Variants in MCTP1 observed in about 807,000 individuals in gnomAD.
The protein encoded by MCTP1 is multiple C2 and transmembrane domain containing 1.
MCTP1 carries 69 observed loss-of-function variants against 120.6 expected under a neutral mutation model. The ratio of observed to expected loss-of-function variants is 0.57; its 90% CI spans 0.47 to 0.70. MCTP1 has a LOEUF of 0.70. Ranked by LOEUF, MCTP1 falls within the 30% of genes least tolerant of loss-of-function variation. The probability of loss-of-function intolerance (pLI) is 0.00; values close to 1 mark genes in which losing one functional copy is unlikely to be tolerated. For synonymous variants in MCTP1, 529 were observed against 493.1 expected, an observed-to-expected ratio of 1.07 and a Z score of -0.96; for missense variants, 1,203 against 1,248.8, an observed-to-expected ratio of 0.96 and a Z score of 0.55.
chr5:95,274,479 T>C (rs1026024068), intron 1 of MCTP1, among the ~76,000 whole-genome samples: 1 of 152,096 alleles, frequency 6.6e-6, no homozygotes, highest in African/African-American at 2.4e-5. Flanking sequence ...AGGAACCTTC[T>C]CCCATCAATT....
chr5:95,211,780 C>A (rs1394745479), intron 1 of MCTP1, among the ~76,000 whole-genome samples: 1 of 152,176 alleles, frequency 6.6e-6, no homozygotes, highest in African/African-American at 2.4e-5. Flanking sequence ...GTTTTTTCTG[C>A]TCTGTTTTTC....
chr5:95,062,268 A>C (rs1749429523), intron 1 of MCTP1, among the ~76,000 whole-genome samples: 1 of 152,358 alleles, frequency 6.6e-6, no homozygotes. Flanking sequence ...ATCTATGTGC[A>C]TTCTTTATAT....
rs564685440 is a variant in MCTP1, at chr5:94,969,600, G to T, written c.839-16239C>A. Among the ~76,000 whole-genome samples the T allele has an allele frequency of 3.3e-5, 5 of 151,944 alleles. No individual in the cohort carries two copies. In the South Asian group the frequency reaches 1.0e-3, roughly 32 times the overall value. On this transcript the variant is annotated intron_variant, in intron 2 of 22. Coordinates refer to ENST00000515393, the MANE Select transcript of MCTP1 (RefSeq NM_024717.7). ...CTCAGTGTCACAAGAAGAAGGAGGA[G>T]GAGGAATAAGAAAAAAGACAAAAGA...
At chr5:95,241,046 TG>T (rs1185173389) in intron 1 of MCTP1, among the ~76,000 whole-genome samples, 5 of 152,080 alleles carry the variant, frequency 3.3e-5, no homozygotes, top group Non-Finnish European at 1.5e-5. Context: ...ATTCTAATTT[TG>T]GGGGGTACTT....
intron 1 of MCTP1, among the ~76,000 whole-genome samples, chr5:95,237,010 G>A (rs183526275): frequency 1.2e-4 from 19 of 152,238 alleles, no homozygotes; most frequent in Admixed American, 6.5e-4. Context: ...AATTCTTGTA[G>A]TCTAAGCCAT....
intron 19 of MCTP1, among the ~76,000 whole-genome samples, chr5:94,753,352 A>G (rs1299276173): frequency 1.3e-5 from 2 of 152,180 alleles, no homozygotes; most frequent in East Asian, 3.8e-4. Flanking sequence ...CCTAAAAATT[A>G]TTGCCATATA....
At chr5:95,123,940 C>T (rs771242547) in intron 1 of MCTP1, among the ~76,000 whole-genome samples, 7 of 152,164 alleles carry the variant, frequency 4.6e-5, no homozygotes, top group Admixed American at 6.5e-5. Flanking sequence ...TGAGCCACTA[C>T]GCCTGGCCAA....
At chr5:95,007,736 G>A (rs1457514255) in intron 2 of MCTP1, among the ~76,000 whole-genome samples, 1 of 152,170 alleles carries the variant, frequency 6.6e-6, no homozygotes, top group Admixed American at 6.5e-5. Flanking sequence ...TGTGAAAAAA[G>A]TGAAACTTCA....
intron 19 of MCTP1, among the ~76,000 whole-genome samples, chr5:94,749,334 A>T (rs11960129): frequency 6.6e-6 from 1 of 151,956 alleles, no homozygotes; most frequent in African/African-American, 2.4e-5. Context: ...CCTGGAACCT[A>T]CTTTTGAAGA....
chr5:94,798,986 C>A (rs1404303931), intron 18 of MCTP1, 27 bp downstream of exon 18: 3 of 1,595,742 alleles, frequency 1.9e-6, no homozygotes, highest in Non-Finnish European at 8.5e-7. Context: ...AACAAAAACA[C>A]ATACAAGTAA....
At chr5:95,129,067 G>A (rs1421739840) in intron 1 of MCTP1, among the ~76,000 whole-genome samples, 1 of 152,112 alleles carries the variant, frequency 6.6e-6, no homozygotes, top group Non-Finnish European at 1.5e-5. Context: ...GGTTTAATTG[G>A]GAAAATGAAA....
chr5:95,284,902 C>T lies in MCTP1; in HGVS notation c.-327G>A, dbSNP rs941537934. 6.6e-6 allele frequency among the ~76,000 whole-genome samples: 1 copy of T among 152,110 alleles called. No homozygotes were observed. The highest frequency in any genetic ancestry group is 1.5e-5 in the Non-Finnish European group (1 of 68,006). ...CCCTCGAAGCTCCGCGGCTCCAGTCCACTGGCGTCCCCCAGGCCGCGCCCT... is the reference window on the plus strand; with the variant it reads ...CCCTCGAAGCTCCGCGGCTCCAGTCTACTGGCGTCCCCCAGGCCGCGCCCT... On this transcript the variant is annotated 5_prime_UTR_variant, in exon 1 of 23. Transcript: ENST00000515393. This position sits in a 1 kb window ranked among gnomAD's most constrained non-coding sequence, Gnocchi z 5.2.
intron 1 of MCTP1, among the ~76,000 whole-genome samples, chr5:95,116,359 T>C (rs1757826864): frequency 6.6e-6 from 1 of 152,032 alleles, no homozygotes; most frequent in Admixed American, 6.6e-5. Context: ...AGATAGACAA[T>C]ACATTAAGAT....
At chr5:94,781,715 G>A (rs1407431172) in intron 18 of MCTP1, among the ~76,000 whole-genome samples, 1 of 152,094 alleles carries the variant, frequency 6.6e-6, no homozygotes, top group African/African-American at 2.4e-5. Flanking sequence ...GTTCAAGTAT[G>A]ACTCAAAGAG....
At chr5:95,169,788 T>C (rs1582426743) in intron 1 of MCTP1, among the ~76,000 whole-genome samples, 1 of 152,332 alleles carries the variant, frequency 6.6e-6, no homozygotes, top group East Asian at 1.9e-4. Context: ...TTCTGTCTTC[T>C]CTTCTTTATC....
chr5:94,803,188 T>C (rs1226456060), intron 17 of MCTP1, among the ~76,000 whole-genome samples: 1 of 152,234 alleles, frequency 6.6e-6, no homozygotes, highest in African/African-American at 2.4e-5. Flanking sequence ...AATCATTATA[T>C]GGCTGTTGTA....
intron 1 of MCTP1, among the ~76,000 whole-genome samples, chr5:95,161,667 G>A (rs1409979925): frequency 1.3e-5 from 2 of 151,880 alleles, no homozygotes; most frequent in African/African-American, 2.4e-5. Context: ...AACATATATG[G>A]AAACATCACT....
chr5:95,204,055 C>T (rs980127432), intron 1 of MCTP1, among the ~76,000 whole-genome samples: 2 of 152,124 alleles, frequency 1.3e-5, no homozygotes, highest in Non-Finnish European at 2.9e-5. Context: ...AAAATCAATA[C>T]TAGAACAAGT....
intron 1 of MCTP1, among the ~76,000 whole-genome samples, chr5:95,198,906 AAG>A (rs773359958): frequency 3.9e-5 from 6 of 152,252 alleles, no homozygotes; most frequent in Non-Finnish European, 8.8e-5. Context: ...AGGATATTCA[AAG>A]TAAAAACTAA....
Sources: allele counts gnomAD v4.1 joint callset (sites outside exome capture counted in the v4.1 genomes callset), GRCh38; gene constraint gnomAD v4.1.1; non-coding constraint Gnocchi (gnomAD v3.1); transcripts MANE v1.5; gene names NCBI Gene and HGNC (gene_info 2026-07-23, HGNC 2026-07-21).